Variants in MRPL1 observed in about 807,000 individuals in gnomAD.
MRPL1 encodes the protein large ribosomal subunit protein uL1m.
A neutral mutation model predicts 38.0 loss-of-function variants in MRPL1; 28 were observed. The observed-to-expected ratio is 0.74, with a 90% CI of 0.55 to 1.01. MRPL1 has a LOEUF of 1.01. MRPL1 is among the 50% of genes least tolerant of loss of function. The probability of loss-of-function intolerance (pLI) is 0.00; values close to 1 mark genes in which losing one functional copy is unlikely to be tolerated. For synonymous variants in MRPL1, 123 were observed against 126.7 expected (o/e 0.97, Z 0.20); for missense variants, 358 against 389.8 (o/e 0.92, Z 0.69).
At chr4:77,866,550 C>T (rs993639043) in intron 1 of MRPL1, among the ~76,000 whole-genome samples, 1 of 152,080 alleles carries the variant, frequency 6.6e-6, no homozygotes. Flanking sequence ...CCTACCCCCG[C>T]CTCACCCAGC....
chr4:77,913,901 G>T (rs1243991774), intron 7 of MRPL1, among the ~76,000 whole-genome samples: 6 of 152,202 alleles, frequency 3.9e-5, no homozygotes, highest in Non-Finnish European at 8.8e-5. Context: ...TAAAATTCTG[G>T]CAAATGCAAA....
intron 7 of MRPL1, among the ~76,000 whole-genome samples, chr4:77,920,927 C>T (rs1286766723): frequency 6.6e-6 from 1 of 152,080 alleles, no homozygotes; most frequent in Admixed American, 6.6e-5. Flanking sequence ...CCACATCCAG[C>T]TAATTTTTTG....
At chr4:77,869,245 CATTG>C (rs1735223008) in intron 1 of MRPL1, among the ~76,000 whole-genome samples, 1 of 152,138 alleles carries the variant, frequency 6.6e-6, no homozygotes, top group Non-Finnish European at 1.5e-5. Flanking sequence ...GTTTCTATCT[CATTG>C]CCACGGGGTG....
Position 77,938,825 on chromosome 4 carries a change from T to C in MRPL1, c.778-10972T>C, listed in dbSNP as rs187851100. Among the ~76,000 whole-genome samples, 207 of 152,316 alleles carry C rather than the reference T, an allele frequency of 1.4e-3. 1 individual carries two copies. The highest frequency in any genetic ancestry group is 2.5e-3 in the Non-Finnish European group (169 of 68,016). On this transcript the variant is annotated intron_variant, in intron 7 of 8. Coordinates refer to ENST00000315567, the MANE Select transcript of MRPL1 (RefSeq NM_020236.4). ...ACCTAAACCCAGTCCTCCTCACTTG[T>C]ACATGTTTCCCACTTTGGCCACTGT...
chr4:77,948,191 G>A (rs1449065025), intron 7 of MRPL1, among the ~76,000 whole-genome samples: 1 of 152,150 alleles, frequency 6.6e-6, no homozygotes, highest in Non-Finnish European at 1.5e-5. Context: ...CAAATTTTAA[G>A]TAGGTATAGG....
At chr4:77,886,961 T>G (rs903302971) in intron 4 of MRPL1, among the ~76,000 whole-genome samples, 6 of 151,858 alleles carry the variant, frequency 4.0e-5, no homozygotes, top group Non-Finnish European at 7.4e-5. Flanking sequence ...TCCGGCCAAT[T>G]TTTATATTTT....
chr4:77,883,487 C>T lies in MRPL1; in HGVS notation c.389C>T (p.Ala130Val). Residue 130 changes from alanine to valine, a missense_variant, in exon 3 of 9, where the codon GCA (alanine) becomes GTA (valine). Coordinates refer to ENST00000315567, the MANE Select transcript of MRPL1 (RefSeq NM_020236.4). The part of the protein sequence containing the change: ...SVYLDLTLDM[A>V]LGKKKNVEPF... ...TATCTTGATTTGACACTGGATATGG[C>T]ACTGGGAAAGAAGGTATGTAGAGTC... 1 of 1,612,394 alleles carries T rather than the reference C, an allele frequency of 6.2e-7. No homozygotes were observed. Among genetic ancestry groups the T allele is most frequent in the Non-Finnish European group, 8.5e-7 (1 of 1,179,278 alleles).
At chr4:77,881,953 T>C (rs927081940) in intron 2 of MRPL1, among the ~76,000 whole-genome samples, 13 of 152,206 alleles carry the variant, frequency 8.5e-5, no homozygotes, top group Non-Finnish European at 1.9e-4. Flanking sequence ...ACTGACTTCT[T>C]ATTGCCTCTA....
intron 7 of MRPL1, among the ~76,000 whole-genome samples, chr4:77,935,709 A>G (rs1220607156): frequency 2.0e-5 from 3 of 152,130 alleles, no homozygotes; most frequent in African/African-American, 7.2e-5. Context: ...AATAATTCTT[A>G]TATTGCTTTA....
At chr4:77,912,221 A>G (rs773764766) in intron 7 of MRPL1, among the ~76,000 whole-genome samples, 3 of 152,180 alleles carry the variant, frequency 2.0e-5, no homozygotes, top group Non-Finnish European at 2.9e-5. Flanking sequence ...CTTCTTTTCA[A>G]CATTGATCTG....
intron 7 of MRPL1, among the ~76,000 whole-genome samples, chr4:77,927,030 C>T (rs1736729409): frequency 6.6e-6 from 1 of 150,988 alleles, no homozygotes; most frequent in Admixed American, 6.6e-5. Flanking sequence ...TTTCTTCTTC[C>T]CTTTCTCTCA....
At chr4:77,917,576 C>T (rs1476756339) in intron 7 of MRPL1, among the ~76,000 whole-genome samples, 1 of 151,618 alleles carries the variant, frequency 6.6e-6, no homozygotes. Context: ...TAAAAAAAAA[C>T]AGAAAACAAC....
At chr4:77,911,034 CCTTTTCAG>C (rs1342483367) in intron 7 of MRPL1, among the ~76,000 whole-genome samples, 1 of 152,174 alleles carries the variant, frequency 6.6e-6, no homozygotes, top group Non-Finnish European at 1.5e-5. Flanking sequence ...TGAATACCTA[CCTTTTCAG>C]CTACTTCAGA....
intron 7 of MRPL1, among the ~76,000 whole-genome samples, chr4:77,933,745 T>G (rs1736898967): frequency 1.3e-5 from 2 of 152,214 alleles, no homozygotes; most frequent in African/African-American, 2.4e-5. Context: ...ACAGAGAAAC[T>G]GCAACTCTCA....
chr4:77,869,631 T>C (rs1241724844), intron 1 of MRPL1, among the ~76,000 whole-genome samples: 1 of 152,130 alleles, frequency 6.6e-6, no homozygotes, highest in Non-Finnish European at 1.5e-5. Context: ...GTTTCGCTCT[T>C]GTTGCCCAGG....
chr4:77,935,163 AT>A (rs1416975813), intron 7 of MRPL1, among the ~76,000 whole-genome samples: 1 of 152,184 alleles, frequency 6.6e-6, no homozygotes, highest in Non-Finnish European at 1.5e-5. Flanking sequence ...GAGAAATCAC[AT>A]GAGGGAATTT....
At chr4:77,894,289 C>A in intron 6 of MRPL1, 39 bp downstream of exon 6, 1 of 1,276,926 alleles carries the variant, frequency 7.8e-7, no homozygotes, top group Non-Finnish European at 1.1e-6. Flanking sequence ...CTGTCAACAA[C>A]TTTCTTGTGA....
chr4:77,923,996 G>A (rs1231438133), intron 7 of MRPL1, among the ~76,000 whole-genome samples: 2 of 66,214 alleles, frequency 3.0e-5, no homozygotes, highest in Admixed American at 1.4e-4. Flanking sequence ...GTAGGACTCT[G>A]TCTCAAAAAA....
At chr4:77,865,858 C>G (rs2110225896) in intron 1 of MRPL1, among the ~76,000 whole-genome samples, 1 of 152,238 alleles carries the variant, frequency 6.6e-6, no homozygotes, top group South Asian at 2.1e-4. Flanking sequence ...CTTTAAGGAC[C>G]TCAGTCATGT....
Sources: gnomAD v4.1 joint callset for allele counts (sites outside exome capture counted in the v4.1 genomes callset) on GRCh38, gnomAD v4.1.1 for gene constraint, MANE v1.5 for transcripts, NCBI Gene and HGNC (gene_info 2026-07-23, HGNC 2026-07-21) for gene names.